Variants in GRID1 observed in about 807,000 individuals in gnomAD.
The protein encoded by GRID1 is glutamate ionotropic receptor delta type subunit 1.
Under a neutral mutation model 98.0 loss-of-function variants are expected in GRID1, and 28 were observed. The observed-to-expected ratio is 0.29, with a 90% CI of 0.21 to 0.39. The LOEUF is 0.39. Ranked by LOEUF, GRID1 falls within the 10% of genes least tolerant of loss-of-function variation. The pLI, the probability that GRID1 is intolerant of heterozygous loss-of-function variation, is 1.00. For synonymous variants in GRID1, 553 were observed against 538.5 expected (o/e 1.03, Z -0.37); for missense variants, 1,111 against 1,340.5 (o/e 0.83, Z 2.67).
At chr10:85,788,414 C>T (rs1842449651) in intron 8 of GRID1, among the ~76,000 whole-genome samples, 1 of 152,106 alleles carries the variant, frequency 6.6e-6, no homozygotes, top group South Asian at 2.1e-4. Context: ...GTCTTGTCTC[C>T]CCTAAAGAGT....
At chr10:86,267,688 A>C (rs1037043553) in intron 2 of GRID1, among the ~76,000 whole-genome samples, 1 of 152,158 alleles carries the variant, frequency 6.6e-6, no homozygotes, top group East Asian at 1.9e-4. Context: ...GAAAGACAAC[A>C]AAAGGGACAT....
At chr10:85,866,547 T>A (rs1310336133) in intron 6 of GRID1, among the ~76,000 whole-genome samples, 1 of 152,182 alleles carries the variant, frequency 6.6e-6, no homozygotes, top group Non-Finnish European at 1.5e-5. Context: ...ATGGGCACTT[T>A]TTTTAGTGTC....
At chr10:86,143,240 G>A (rs1280792135) in intron 3 of GRID1, among the ~76,000 whole-genome samples, 2 of 152,150 alleles carry the variant, frequency 1.3e-5, no homozygotes, top group African/African-American at 2.4e-5. Flanking sequence ...ACTTGGGGTG[G>A]GGCTGGAGGC....
chr10:86,339,567 C>A (rs1446562515), intron 2 of GRID1, among the ~76,000 whole-genome samples: 2 of 152,216 alleles, frequency 1.3e-5, no homozygotes, highest in African/African-American at 4.8e-5. Context: ...GGGAGGAGAA[C>A]CTAGAGCCGG....
intron 2 of GRID1, among the ~76,000 whole-genome samples, chr10:86,252,667 T>A (rs1846855583): frequency 6.6e-6 from 1 of 152,234 alleles, no homozygotes; most frequent in African/African-American, 2.4e-5. Flanking sequence ...TCACCTTTGT[T>A]GGTAGCCAAG....
chr10:85,747,528 T>C (rs1842008539), intron 8 of GRID1, among the ~76,000 whole-genome samples: 1 of 152,088 alleles, frequency 6.6e-6, no homozygotes, highest in African/African-American at 2.4e-5. Context: ...GCCTCCTTCC[T>C]CCTGCCCCTT....
rs1281063648 is a variant in GRID1, at chr10:86,366,401, G to A, written c.-9C>T. ...AGCGTCAGCGCTTCCATGTCCCCCG[G>A]GCGCGCGGCTCATCCACCCGGGCCC... is the stretch of plus-strand genomic sequence containing the variant. On this transcript the variant is annotated 5_prime_UTR_variant, in exon 1 of 16. Transcript: ENST00000327946. This position sits in a 1 kb window ranked among gnomAD's most constrained non-coding sequence, Gnocchi z 4.1. The A allele has an allele frequency of 6.7e-7, 1 of 1,490,478 alleles. No homozygotes were observed. Among genetic ancestry groups the A allele is most frequent in the Non-Finnish European group, 9.0e-7 (1 of 1,116,650 alleles). The allele number at this position is 1,490,478 out of a possible 1,614,324, so 92.3% of individuals were successfully genotyped here. A position where few individuals can be genotyped will look rare whatever the true frequency, so the allele number is the denominator to read the frequency against.
intron 8 of GRID1, among the ~76,000 whole-genome samples, chr10:85,827,101 C>T (rs551675343): frequency 5.9e-5 from 9 of 152,190 alleles, no homozygotes; most frequent in East Asian, 5.8e-4. Context: ...TGCACTGGTT[C>T]GCCAGCAATG....
chr10:85,742,710 C>T (rs1321997375), intron 8 of GRID1, among the ~76,000 whole-genome samples: 1 of 152,054 alleles, frequency 6.6e-6, no homozygotes, highest in Non-Finnish European at 1.5e-5. Flanking sequence ...GACAATATTC[C>T]CCATCCCACA....
At chr10:86,001,648 G>A (rs1842803995) in intron 4 of GRID1, among the ~76,000 whole-genome samples, 1 of 152,224 alleles carries the variant, frequency 6.6e-6, no homozygotes, top group Non-Finnish European at 1.5e-5. Context: ...AGAGGCATCT[G>A]TGATTCTGCT....
intron 2 of GRID1, among the ~76,000 whole-genome samples, chr10:86,252,670 T>C (rs570998607): frequency 7.2e-5 from 11 of 152,238 alleles, no homozygotes; most frequent in Non-Finnish European, 1.2e-4. Context: ...CCTTTGTTGG[T>C]AGCCAAGTGA....
At chr10:85,613,703 GGGGCCCTGGCCCCT>G (rs1323501995) in intron 14 of GRID1, 56 bp from the exon 15 acceptor site, 11 of 1,572,564 alleles carry the variant, frequency 7.0e-6, no homozygotes, top group Non-Finnish European at 9.5e-6. Flanking sequence ...CTCAGCCACC[GGGGCCCTGGCCCCT>G]GCCCCACCAT....
intron 13 of GRID1, among the ~76,000 whole-genome samples, chr10:85,629,927 C>T (rs1842956883): frequency 1.3e-5 from 2 of 152,168 alleles, no homozygotes. Flanking sequence ...TGATATCTCA[C>T]TGTCGGTCTA....
chr10:86,200,861 C>T (rs928114874), intron 3 of GRID1, among the ~76,000 whole-genome samples: 3 of 152,124 alleles, frequency 2.0e-5, no homozygotes, highest in African/African-American at 7.2e-5. Context: ...AGAAAATGTA[C>T]ATTAAAATCA....
chr10:86,186,174 T>C (rs1041846274), intron 3 of GRID1, among the ~76,000 whole-genome samples: 1 of 152,216 alleles, frequency 6.6e-6, no homozygotes, highest in Non-Finnish European at 1.5e-5. Flanking sequence ...ATTTGTCTAT[T>C]TCAGCTTAGT....
intron 8 of GRID1, among the ~76,000 whole-genome samples, chr10:85,764,953 A>G (rs78059230): frequency 0.014 from 2,192 of 152,290 alleles, 73 homozygotes; most frequent in Admixed American, 0.072. Context: ...CTTTGCCCCA[A>G]AGAGGACAAA....
chr10:86,118,720 A>G (rs1844622847), intron 4 of GRID1, among the ~76,000 whole-genome samples: 1 of 152,184 alleles, frequency 6.6e-6, no homozygotes. Flanking sequence ...CAAGGTCTAC[A>G]CCAACAGTGA....
At chr10:86,317,836 G>A (rs755302898) in intron 2 of GRID1, among the ~76,000 whole-genome samples, 19 of 152,134 alleles carry the variant, frequency 1.2e-4, no homozygotes, top group Non-Finnish European at 2.6e-4. Flanking sequence ...GACCTCCTAA[G>A]TTCAAGCGAT....
intron 4 of GRID1, among the ~76,000 whole-genome samples, chr10:85,977,798 C>G (rs1219824647): frequency 2.0e-5 from 3 of 150,578 alleles, no homozygotes; most frequent in South Asian, 2.1e-4. Flanking sequence ...GACCTCCCCG[C>G]CGACCCAGTG....
Sources: gnomAD v4.1 joint callset for allele counts (sites outside exome capture counted in the v4.1 genomes callset) on GRCh38, gnomAD v4.1.1 for gene constraint, Gnocchi (gnomAD v3.1) non-coding constraint, MANE v1.5 for transcripts, NCBI Gene and HGNC (gene_info 2026-07-23, HGNC 2026-07-21) for gene names.